Variants in DAB1 observed in about 807,000 individuals in gnomAD.
DAB1 encodes the protein DAB adaptor protein 1, also known as disabled homolog 1.
In DAB1, 15 loss-of-function variants were observed where a neutral mutation model predicts 64.6. The observed-to-expected ratio is 0.23, with a 90% CI of 0.16 to 0.36. The LOEUF is 0.36. Among genes scored for constraint, DAB1 ranks in the 10% least tolerant of loss-of-function variants. The pLI is 1.00. For missense variants in DAB1, 596 were observed against 706.7 expected (o/e 0.84, Z 1.78); for synonymous variants, 235 against 251.9 (o/e 0.93, Z 0.64).
intron 5 of DAB1, among the ~76,000 whole-genome samples, chr1:58,064,798 T>C (rs1255357804): frequency 1.3e-5 from 2 of 152,166 alleles, no homozygotes; most frequent in Non-Finnish European, 2.9e-5. Context: ...CTCGGCTCAC[T>C]GCAAGCTCCG....
At chr1:57,519,457 T>C (rs1485915740) in intron 7 of DAB1, among the ~76,000 whole-genome samples, 3 of 152,204 alleles carry the variant, frequency 2.0e-5, no homozygotes, top group East Asian at 3.9e-4. Flanking sequence ...TTCTCTCAAA[T>C]CCTTCCAGGT....
chr1:58,199,089 A>G (rs1432029862), intron 4 of DAB1, among the ~76,000 whole-genome samples: 1 of 152,226 alleles, frequency 6.6e-6, no homozygotes, highest in Non-Finnish European at 1.5e-5. Context: ...CCTGGGTGGC[A>G]GTCCAAGACT....
At chr1:58,184,282 CAT>C (rs956502182) in intron 4 of DAB1, among the ~76,000 whole-genome samples, 15 of 148,280 alleles carry the variant, frequency 1.0e-4, no homozygotes, top group South Asian at 4.2e-4. Flanking sequence ...AAATATATAA[CAT>C]ATGATATATA....
intron 4 of DAB1, among the ~76,000 whole-genome samples, chr1:58,160,015 G>A (rs1025999086): frequency 6.6e-6 from 1 of 151,830 alleles, no homozygotes; most frequent in Non-Finnish European, 1.5e-5. Flanking sequence ...TTCTTAAAGA[G>A]TTCTTCCAAA....
At chr1:58,536,791 T>C in intron 1 of DAB1, 3 of 824,862 alleles carry the variant, frequency 3.6e-6, no homozygotes, top group South Asian at 2.9e-5. Context: ...CCAGCACATA[T>C]CACTAAAGCT....
chr1:57,442,732 T>C (rs1686001106), intron 7 of DAB1, among the ~76,000 whole-genome samples: 2 of 152,226 alleles, frequency 1.3e-5, no homozygotes, highest in South Asian at 4.1e-4. Flanking sequence ...AGAGTCAATG[T>C]CCCTGGGCAT....
Position 58,108,605 on chromosome 1 carries a change from C to T in DAB1, n.387+41906G>A, listed in dbSNP as rs1776191. 2.6e-3 allele frequency among the ~76,000 whole-genome samples: 392 copies of T among 152,212 alleles called. 2 individuals carry two copies. Among genetic ancestry groups the T allele is most frequent in the African/African-American group, 8.9e-3 (371 of 41,528 alleles). ...AACCCACATCTTCAGAGATGGTGCC[C>T]GGGAATATGCATTTGAGAACCAGTG... On this transcript the variant is annotated intron_variant and non_coding_transcript_variant, in intron 5 of 20. Coordinates refer to the DAB1 transcript ENST00000485760.
rs552448696 is a variant in DAB1, at chr1:57,851,419, G to A, written n.88-24964C>T. Among the ~76,000 whole-genome samples, 194 of 152,278 alleles carry A rather than the reference G, an allele frequency of 1.3e-3. 1 individual carries two copies. The highest frequency in any genetic ancestry group is 4.5e-3 in the African/African-American group (188 of 41,556). On this transcript the variant is annotated intron_variant and non_coding_transcript_variant, in intron 1 of 1. Transcript: ENST00000477280. The stretch of plus-strand genomic sequence containing the variant: ...CCAGCAGTGAAAGCCCCAAATACTA[G>A]AGCACACTAGAGCACACCTCTGAGG...
Position 57,092,468 on chromosome 1 carries a change from T to C in DAB1, c.307-20054A>G, listed in dbSNP as rs117129732. 8.4e-3 allele frequency among the ~76,000 whole-genome samples: 1,271 copies of C among 152,146 alleles called. 29 individuals are homozygous for C. The East Asian group carries it at 0.086, about 10-fold the overall frequency. On this transcript the variant is annotated intron_variant, in intron 4 of 14. Coordinates refer to ENST00000371236, the MANE Select transcript of DAB1 (RefSeq NM_001365792.1). ...GTTCTCATGAGATGTCATGGTTTTA[T>C]AAACGGCAGTTTACCCCTGGGTTTC...
At chr1:57,756,679 A>T (rs1270859088) in intron 6 of DAB1, among the ~76,000 whole-genome samples, 1 of 152,188 alleles carries the variant, frequency 6.6e-6, no homozygotes, top group Non-Finnish European at 1.5e-5. Flanking sequence ...GGCAATAAAA[A>T]AAAAAAATGA....
At chr1:57,878,067 C>T (rs963674421) in intron 1 of DAB1, among the ~76,000 whole-genome samples, 3 of 152,112 alleles carry the variant, frequency 2.0e-5, no homozygotes, top group Admixed American at 1.3e-4. Context: ...AAATTGGAAT[C>T]CTGTTGTATA....
chr1:57,698,351 G>T (rs79768976), intron 6 of DAB1, among the ~76,000 whole-genome samples: 4,455 of 151,672 alleles, frequency 0.029, 244 homozygotes, highest in African/African-American at 0.1. Context: ...TCCTGTGTTG[G>T]CCTCCCAAAG....
intron 2 of DAB1, among the ~76,000 whole-genome samples, chr1:57,178,685 T>C (rs1033606898): frequency 2.6e-5 from 4 of 152,184 alleles, no homozygotes; most frequent in Admixed American, 2.6e-4. Context: ...GGTTATGTTA[T>C]AATGCCTTGA....
At chr1:57,156,051 T>C (rs1256290563) in intron 2 of DAB1, among the ~76,000 whole-genome samples, 2 of 152,142 alleles carry the variant, frequency 1.3e-5, no homozygotes, top group Non-Finnish European at 2.9e-5. Flanking sequence ...GGGAACCCTG[T>C]AGGCTGCTGT....
intron 1 of DAB1, among the ~76,000 whole-genome samples, chr1:57,407,790 G>GTA (rs1343310971): frequency 6.6e-6 from 1 of 151,390 alleles, no homozygotes; most frequent in Non-Finnish European, 1.5e-5. Context: ...GTGTGTGTGT[G>GTA]TGTGTGTGTG....
chr1:58,225,032 G>A (rs1193374907), intron 4 of DAB1, among the ~76,000 whole-genome samples: 19 of 152,200 alleles, frequency 1.2e-4, no homozygotes, highest in Admixed American at 3.3e-4. Flanking sequence ...ACAACCTACA[G>A]AATGGGAGAA....
intron 4 of DAB1, among the ~76,000 whole-genome samples, chr1:58,296,195 GAGAAAGAAAGAAAGAAAGAAAGAAAGAA>G (rs56816699): frequency 2.4e-4 from 22 of 93,554 alleles, no homozygotes; most frequent in African/African-American, 4.4e-4. Context: ...GAGAAAGAAA[GAGAAAGAAAGAAAGAAAGAAAGAAAGAA>G]AGAAAGAAAG....
chr1:58,216,030 T>C (rs1237682569), intron 4 of DAB1, among the ~76,000 whole-genome samples: 1 of 152,156 alleles, frequency 6.6e-6, no homozygotes, highest in African/African-American at 2.4e-5. Context: ...GCAACTCTTT[T>C]TATTATTATT....
rs1645656742 is a variant in DAB1 at position 56,997,123 on chromosome 1, A to G, written c.*1021T>C. 3 of 152,248 alleles carry G rather than the reference A, an allele frequency of 2.0e-5. No individual in the cohort carries two copies. Among genetic ancestry groups the G allele is most frequent in the African/African-American group, 7.2e-5 (3 of 41,474 alleles). 9.4% of individuals were successfully genotyped at this position (152,248 alleles called of 1,614,324 possible). A position where few individuals can be genotyped will look rare whatever the true frequency, so the allele number is the denominator to read the frequency against. The stretch of plus-strand genomic sequence containing the variant: ...TTTTAAGATCCAAAACCACATTACC[A>G]GAATTGTACCAGAATTATTTGGCAA... On this transcript the variant is annotated 3_prime_UTR_variant, in exon 15 of 15. Transcript: ENST00000371236.
Sources: allele counts gnomAD v4.1 joint callset (sites outside exome capture counted in the v4.1 genomes callset), GRCh38; gene constraint gnomAD v4.1.1; transcripts MANE v1.5; gene names NCBI Gene and HGNC (gene_info 2026-07-23, HGNC 2026-07-21).